The following CROCC2 variants were observed in gnomAD, a reference collection of about 807,000 sequenced individuals.
CROCC2 encodes the protein ciliary rootlet coiled-coil, rootletin family member 2.
In CROCC2, 163 loss-of-function variants were observed where a neutral mutation model predicts 177.6. That is an observed-to-expected ratio of 0.92 (90% CI 0.81 to 1.05). The LOEUF (loss-of-function observed/expected upper bound fraction) is 1.05. CROCC2 is among the 50% of genes least tolerant of loss of function. The pLI is 0.00. For synonymous variants in CROCC2, 904 were observed against 787.3 expected, an observed-to-expected ratio of 1.15 and a Z score of -2.48; for missense variants, 1,929 against 1,797.8, an observed-to-expected ratio of 1.07 and a Z score of -1.32.
At chr2:240,921,612 G>T (rs1232388164) in intron 3 of CROCC2, among the ~76,000 whole-genome samples, 2 of 152,210 alleles carry the variant, frequency 1.3e-5, no homozygotes, top group East Asian at 3.9e-4. Flanking sequence ...GGCAAAGTGT[G>T]GGTGCCAGGA....
Position 240,918,441 on chromosome 2 carries a change from C to A in CROCC2, c.79-285C>A, listed in dbSNP as rs1353760663. Among the ~76,000 whole-genome samples, 1 of 152,248 alleles carries A rather than the reference C, an allele frequency of 6.6e-6. No homozygotes were observed. Among genetic ancestry groups the A allele is most frequent in the Non-Finnish European group, 1.5e-5 (1 of 68,042 alleles). On this transcript the variant is annotated intron_variant, in intron 1 of 31. Transcript: ENST00000690015. The surrounding 1 kb of genome is among the most constrained non-coding windows in gnomAD (Gnocchi z 6.3). ...ACCGCTTAGCCAGCGCTCAGCCCAG[C>A]CCCCACCAAGACAGGGCAGAGCCCC...
At chr2:240,930,855 G>A (rs953557843) in intron 6 of CROCC2, 76 bp from the exon 7 acceptor site, 26 of 621,496 alleles carry the variant, frequency 4.2e-5, no homozygotes, top group African/African-American at 3.8e-4. Context: ...GGGGTCCTCT[G>A]TGGGGCTGAT....
chr2:240,963,800 G>C, intron 21 of CROCC2, 27 bp downstream of exon 21: 1 of 1,542,060 alleles, frequency 6.5e-7, no homozygotes, highest in Middle Eastern at 1.9e-4. Context: ...GGAGCAGCTG[G>C]GGGTGCCCTG....
At chr2:240,921,400 C>A (rs943609665) in intron 3 of CROCC2, among the ~76,000 whole-genome samples, 4 of 152,216 alleles carry the variant, frequency 2.6e-5, no homozygotes, top group Non-Finnish European at 5.9e-5. Context: ...GAGCTGCCAG[C>A]CAGCCTACTC....
At chr2:240,975,876 C>A (rs2059759071) in intron 27 of CROCC2, among the ~76,000 whole-genome samples, 1 of 151,890 alleles carries the variant, frequency 6.6e-6, no homozygotes, top group African/African-American at 2.4e-5. Flanking sequence ...ATTACAGGCG[C>A]CCGCCACCAC....
chr2:240,944,674 C>T (rs776599637), intron 14 of CROCC2, among the ~76,000 whole-genome samples: 1 of 151,738 alleles, frequency 6.6e-6, no homozygotes, highest in South Asian at 2.1e-4. Context: ...TTAAACTTTA[C>T]GTCTTGCTAT....
At chr2:240,919,813 C>A (rs2059346167) in intron 2 of CROCC2, among the ~76,000 whole-genome samples, 170 bp from the exon 3 acceptor site, 1 of 152,162 alleles carries the variant, frequency 6.6e-6, no homozygotes, top group Non-Finnish European at 1.5e-5. Context: ...AGTCTGCCTC[C>A]CTATGTTAGG....
At position 240,991,500 on chromosome 2, in the gene CROCC2, C is replaced by A. The variant is rs28678905; in HGVS notation, c.4946+222C>A. 5.4e-3 allele frequency among the ~76,000 whole-genome samples: 820 copies of A among 152,368 alleles called. 7 individuals carry two copies. Among genetic ancestry groups the A allele is most frequent in the Middle Eastern group, 0.041 (12 of 294 alleles). ...TGCAGGCAGCCACCGCCCGGGCCACCACTCACTCTTCAGGGTCCTCAGGCA... is the reference window on the plus strand; with the variant it reads ...TGCAGGCAGCCACCGCCCGGGCCACAACTCACTCTTCAGGGTCCTCAGGCA... On this transcript the variant is annotated intron_variant, in intron 31 of 31. Coordinates refer to ENST00000690015, the MANE Select transcript of CROCC2 (RefSeq NM_001351305.2).
Position 240,932,844 on chromosome 2 carries a change from C to A in CROCC2, c.1187C>A (p.Ala396Asp). 3.2e-6 allele frequency: 5 copies of A among 1,544,256 alleles called. No homozygotes were observed. The highest frequency in any genetic ancestry group is 4.4e-6 in the Non-Finnish European group (5 of 1,144,018). The change falls in exon 9 of 32, where the codon GCC becomes GAC. Residue 396 changes from alanine to aspartate, a missense_variant. Transcript: ENST00000690015. ...GASPPHICSP[A>D]TLDPALQAMR... is the part of the protein sequence containing the mutation. Reference sequence around the variant, plus strand: ...TCCCCACCACACATCTGCTCCCCAGCCACCCTGGACCCCGCACTGCAGGCC... The same window carrying A: ...TCCCCACCACACATCTGCTCCCCAGACACCCTGGACCCCGCACTGCAGGCC...
chr2:240,962,389 T>G (rs1477511076), intron 20 of CROCC2, among the ~76,000 whole-genome samples: 2 of 152,124 alleles, frequency 1.3e-5, no homozygotes, highest in Non-Finnish European at 2.9e-5. Flanking sequence ...GTTTCTTTTA[T>G]GATGCATGGG....
chr2:240,954,892 C>T (rs946348793), intron 18 of CROCC2: 2 of 152,172 alleles, frequency 1.3e-5, no homozygotes, highest in Non-Finnish European at 2.9e-5. Flanking sequence ...TCTGAGAAAC[C>T]CCCAGGGTTT....
chr2:240,959,443 AG>A lies in CROCC2; in HGVS notation c.3087+1del. On this transcript the variant is annotated frameshift_variant and splice_region_variant, in exon 20 of 32. Coordinates refer to ENST00000690015, the MANE Select transcript of CROCC2 (RefSeq NM_001351305.2). LOFTEE classifies it high-confidence loss of function. ...GCTGAGCGGGGCGATGTGGAGAGAG[AG>A]GTGAGAGGCAGGGCTGGGGGGCTCC... ...LAAERGDVER[E>X]AERLRAQLTV... 1 of 1,549,606 alleles carries A rather than the reference AG, an allele frequency of 6.5e-7. No individual in the cohort carries two copies. Among genetic ancestry groups the A allele is most frequent in the East Asian group, 2.4e-5 (1 of 40,866 alleles).
rs1309753496 is a variant in CROCC2 at position 240,963,627 on chromosome 2, C to T, written c.3159C>T (p.Gly1053=). 28 of 1,549,052 alleles carry T rather than the reference C, an allele frequency of 1.8e-5. No homozygotes were observed. The highest frequency in any genetic ancestry group is 2.4e-5 in the South Asian group (2 of 83,958). The change falls in exon 21 of 32, where the codon GGC becomes GGT. Residue 1053 remains glycine, a synonymous_variant. Coordinates refer to ENST00000690015, the MANE Select transcript of CROCC2 (RefSeq NM_001351305.2). ...CCGCACTGCGCCAGGAGCTGCAGGG[C>T]GTCGAGGAGAGCCGGGAGGGGCTGC... ...GLAALRQELQ[G]VEESREGLHR...
intron 14 of CROCC2, among the ~76,000 whole-genome samples, chr2:240,936,453 G>T (rs955727254): frequency 3.3e-5 from 5 of 152,188 alleles, no homozygotes; most frequent in African/African-American, 1.2e-4. Context: ...GGACGCTTTT[G>T]TGTCCAGCTT....
intron 31 of CROCC2, among the ~76,000 whole-genome samples, chr2:240,992,215 A>C (rs908038407): frequency 7.2e-5 from 11 of 152,228 alleles, no homozygotes; most frequent in South Asian, 2.1e-4. Flanking sequence ...AAAGGGCCGC[A>C]TGCTTTATAG....
intron 30 of CROCC2, among the ~76,000 whole-genome samples, chr2:240,990,983 T>C (rs961071841): frequency 1.3e-5 from 2 of 152,178 alleles, no homozygotes; most frequent in African/African-American, 4.8e-5. Context: ...GGGGGATCCG[T>C]GGTGAGAGGT....
chr2:240,991,396 G>A (rs1378725828), intron 31 of CROCC2, 118 bp downstream of exon 31: 11 of 816,942 alleles, frequency 1.3e-5, no homozygotes, highest in Non-Finnish European at 1.9e-5. Flanking sequence ...CCACTGTTGG[G>A]AAAACCAATG....
At chr2:240,925,657 G>A in intron 4 of CROCC2, 67 bp from the exon 5 acceptor site, 2 of 638,968 alleles carry the variant, frequency 3.1e-6, no homozygotes, top group South Asian at 3.7e-5. Flanking sequence ...CTTGACTTGG[G>A]GACTCTGAGC....
In CROCC2 at chr2:240,949,448, C is replaced by G; in HGVS notation, c.2483-85C>G. ...AGCCTGGAGTGGACAGTGCTTGCCC[C>G]CAAGACTGTCACTCCCTAGGAAGTC... On this transcript the variant is annotated intron_variant, in intron 16 of 31. Transcript: ENST00000690015. The surrounding 1 kb of genome is among the most constrained non-coding windows in gnomAD (Gnocchi z 4.5). 6.8e-7 allele frequency: 1 copy of G among 1,474,650 alleles called. No individual in the cohort carries two copies. 91.3% of individuals were successfully genotyped at this position (1,474,650 alleles called of 1,614,324 possible).
Sources: gnomAD v4.1 joint callset for allele counts (sites outside exome capture counted in the v4.1 genomes callset) on GRCh38, gnomAD v4.1.1 for gene constraint, Gnocchi (gnomAD v3.1) non-coding constraint, MANE v1.5 for transcripts, NCBI Gene and HGNC (gene_info 2026-07-23, HGNC 2026-07-21) for gene names.